Variants in ARHGAP8 observed in about 807,000 individuals in gnomAD.
ARHGAP8 encodes Rho GTPase activating protein 8.
A neutral mutation model predicts 46.1 loss-of-function variants in ARHGAP8; 62 were observed. The ratio of observed to expected loss-of-function variants is 1.34; its 90% CI spans 1.10 to 1.66. The LOEUF (loss-of-function observed/expected upper bound fraction) is 1.66. Among genes scored for constraint, ARHGAP8 ranks in the 40% most tolerant of loss-of-function variants. The pLI, the probability that ARHGAP8 is intolerant of heterozygous loss-of-function variation, is 0.00. For missense variants in ARHGAP8, 923 were observed against 568.4 expected, an observed-to-expected ratio of 1.62 and a Z score of -6.34; for synonymous variants, 375 against 243.1, an observed-to-expected ratio of 1.54 and a Z score of -5.05.
At chr22:44,849,351 TG>T (rs1220630187) in intron 10 of ARHGAP8, 2 of 426,426 alleles carry the variant, frequency 4.7e-6, no homozygotes, top group East Asian at 4.9e-5. Context: ...TCTCTAGATT[TG>T]GGGCTCATCA....
intron 2 of ARHGAP8, among the ~76,000 whole-genome samples, chr22:44,793,025 T>C (rs144388695): frequency 3.8e-4 from 58 of 152,236 alleles, no homozygotes; most frequent in African/African-American, 8.7e-4. Context: ...GGTTTCATCA[T>C]GTTGGCCAGG....
intron 3 of ARHGAP8, among the ~76,000 whole-genome samples, chr22:44,807,485 G>A (rs1318692236): frequency 6.6e-6 from 1 of 152,186 alleles, no homozygotes; most frequent in African/African-American, 2.4e-5. Context: ...CTCACCTGGA[G>A]GGAAGGAATT....
chr22:44,860,943 A>AT (rs151036490), intron 11 of ARHGAP8, among the ~76,000 whole-genome samples: 4 of 151,906 alleles, frequency 2.6e-5, no homozygotes, highest in African/African-American at 4.8e-5. Context: ...TTTTACAACA[A>AT]TTTTTTTTCT....
At position 44,848,785 on chromosome 22, in the gene ARHGAP8, G is replaced by A. The variant is rs141426083; in HGVS notation, c.749-147G>A. 5 of 1,426,404 alleles carry A rather than the reference G, an allele frequency of 3.5e-6. No individual in the cohort carries two copies. The Admixed American group carries it at 9.0e-5, about 26-fold the overall frequency. 88.4% of individuals were successfully genotyped at this position (1,426,404 alleles called of 1,614,324 possible). ...GGCCAGAGCACACCCATTTCTAGGT[G>A]GGGACAGCATCATCCCTAGGACACA... On this transcript the variant is annotated intron_variant, in intron 9 of 11. Coordinates refer to ENST00000356099, the MANE Select transcript of ARHGAP8 (RefSeq NM_181335.3).
intron 7 of ARHGAP8, among the ~76,000 whole-genome samples, chr22:44,829,911 G>A (rs1025040764): frequency 2.6e-5 from 4 of 152,154 alleles, no homozygotes; most frequent in Non-Finnish European, 5.9e-5. Context: ...GGAAACCTGA[G>A]GCCTGTGTGG....
At chr22:44,768,341 C>G (rs1353616172) in intron 1 of ARHGAP8, among the ~76,000 whole-genome samples, 1 of 151,814 alleles carries the variant, frequency 6.6e-6, no homozygotes, top group African/African-American at 2.4e-5. Flanking sequence ...ACTCTTTCAC[C>G]CAGGCTGAAG....
chr22:44,820,561 G>A (rs937300835), intron 5 of ARHGAP8, among the ~76,000 whole-genome samples: 1 of 152,102 alleles, frequency 6.6e-6, no homozygotes, highest in East Asian at 1.9e-4. Context: ...ACTCCTGCAG[G>A]GGTCCCACCA....
intron 4 of ARHGAP8, among the ~76,000 whole-genome samples, chr22:44,814,397 C>T (rs572008789): frequency 1.7e-4 from 26 of 152,316 alleles, no homozygotes; most frequent in African/African-American, 6.0e-4. Context: ...CCACCCCCGA[C>T]CCTGGTGTGA....
chr22:44,820,965 T>G (rs1930087719), intron 5 of ARHGAP8, among the ~76,000 whole-genome samples: 1 of 152,232 alleles, frequency 6.6e-6, no homozygotes, highest in Admixed American at 6.6e-5. Context: ...TTTTTGTTTT[T>G]GCCACGGTAA....
chr22:44,756,403 C>A (rs1463829490), intron 1 of ARHGAP8, among the ~76,000 whole-genome samples: 1 of 152,130 alleles, frequency 6.6e-6, no homozygotes, highest in Admixed American at 6.5e-5. Context: ...CTCTCCAAAG[C>A]GGACCCCACG....
chr22:44,789,212 C>T (rs866357576), intron 2 of ARHGAP8, among the ~76,000 whole-genome samples: 4 of 151,480 alleles, frequency 2.6e-5, no homozygotes, highest in Admixed American at 6.6e-5. Context: ...TACAGTGGTG[C>T]GATCTCAGCT....
In ARHGAP8 at chr22:44,859,583, C is replaced by A. The variant is rs750302162; in HGVS notation, c.878-148C>A. ...GGTTTGCTGAGCAGAGCCATACGGC[C>A]AGAAGATAAGTGGGGGTCCCAAGCC... is the stretch of plus-strand genomic sequence containing the variant. On this transcript the variant is annotated intron_variant, in intron 10 of 11. Coordinates refer to ENST00000356099, the MANE Select transcript of ARHGAP8 (RefSeq NM_181335.3). 3.9e-6 allele frequency: 3 copies of A among 763,538 alleles called. No individual in the cohort carries two copies. In the East Asian group the frequency reaches 8.1e-5, roughly 21 times the overall value. The allele number at this position is 763,538 out of a possible 1,614,324, so 47.3% of individuals were successfully genotyped here. A position where few individuals can be genotyped will look rare whatever the true frequency, so the allele number is the denominator to read the frequency against.
rs1405805827 is a variant in ARHGAP8 at position 44,859,788 on chromosome 22, A to C, written c.935A>C (p.Glu312Ala). 17 of 1,613,986 alleles carry C rather than the reference A, an allele frequency of 1.1e-5. No homozygotes were observed. Among genetic ancestry groups the C allele is most frequent in the African/African-American group, 2.7e-5 (2 of 74,942 alleles). ...GCRQILRSLP[E>A]HNYVVLRYLM... ...CGCCAGATCTTACGGAGCCTCCCAG[A>C]GCACAACTACGTCGTCCTCCGCTAC... The change falls in exon 11 of 12, where the codon GAG becomes GCG. Residue 312 changes from glutamate to alanine, a missense_variant. Glu to Ala is a moderately radical substitution (Grantham distance 107, BLOSUM62 -1). Transcript: ENST00000356099.
chr22:44,849,255 C>A, intron 10 of ARHGAP8, 195 bp downstream of exon 10: 4 of 1,071,380 alleles, frequency 3.7e-6, no homozygotes, highest in East Asian at 2.7e-5. Flanking sequence ...CCACACTGTC[C>A]AAAGGCAGAG....
chr22:44,753,394 T>C (rs1924404342), intron 1 of ARHGAP8, among the ~76,000 whole-genome samples: 1 of 151,958 alleles, frequency 6.6e-6, no homozygotes, highest in Admixed American at 6.6e-5. Context: ...TAATTTTTTG[T>C]ATTTTTAGTA....
At chr22:44,856,719 C>A (rs960184153) in intron 10 of ARHGAP8, among the ~76,000 whole-genome samples, 1 of 144,034 alleles carries the variant, frequency 6.9e-6, no homozygotes, top group African/African-American at 2.8e-5. Context: ...CAACAAAGGA[C>A]CCAAGAGACA....
intron 11 of ARHGAP8, among the ~76,000 whole-genome samples, 172 bp downstream of exon 11, chr22:44,860,006 C>T (rs748456788): frequency 8.7e-6 from 1 of 114,602 alleles, no homozygotes. Flanking sequence ...GTCAGGCACC[C>T]ATGCTGCTGC....
intron 2 of ARHGAP8, among the ~76,000 whole-genome samples, chr22:44,801,432 T>TG (rs1354579422): frequency 0.022 from 1,447 of 65,676 alleles, 13 homozygotes; most frequent in Middle Eastern, 0.059. Context: ...TGTCCATGTG[T>TG]GGGGGCACCT....
intron 1 of ARHGAP8, among the ~76,000 whole-genome samples, chr22:44,753,718 C>T (rs547377614): frequency 6.6e-6 from 1 of 152,220 alleles, no homozygotes; most frequent in South Asian, 2.1e-4. Context: ...GAAGGAACCG[C>T]AGAGTCCACC....
Sources: allele counts gnomAD v4.1 joint callset (sites outside exome capture counted in the v4.1 genomes callset), GRCh38; gene constraint gnomAD v4.1.1; transcripts MANE v1.5; gene names NCBI Gene and HGNC (gene_info 2026-07-23, HGNC 2026-07-21).